Variants in PPFIA2 observed in about 807,000 individuals in gnomAD.
PPFIA2 encodes the protein liprin-alpha-2.
Under a neutral mutation model 175.5 loss-of-function variants are expected in PPFIA2, and 46 were observed. The observed-to-expected ratio is 0.26, with a 90% CI of 0.21 to 0.34. The LOEUF is 0.34. PPFIA2 is among the 10% of genes least tolerant of loss of function. The probability of loss-of-function intolerance (pLI) is 1.00; values close to 1 mark genes in which losing one functional copy is unlikely to be tolerated. For synonymous variants in PPFIA2, 568 were observed against 511.4 expected (o/e 1.11, Z -1.49); for missense variants, 1,179 against 1,506.1 (o/e 0.78, Z 3.60).
chr12:81,461,542 G>A (rs1010153265), intron 4 of PPFIA2, among the ~76,000 whole-genome samples: 2 of 152,038 alleles, frequency 1.3e-5, no homozygotes, highest in East Asian at 3.9e-4. Context: ...TCATAGAAAT[G>A]TCAGAATTCA....
At chr12:81,521,810 TC>T (rs1356545656) in intron 4 of PPFIA2, among the ~76,000 whole-genome samples, 1 of 147,406 alleles carries the variant, frequency 6.8e-6, no homozygotes, top group Non-Finnish European at 1.5e-5. Flanking sequence ...ACAGAGCAAC[TC>T]CATCTCACAA....
At chr12:81,396,889 G>A (rs1426854773) in intron 8 of PPFIA2, among the ~76,000 whole-genome samples, 1 of 152,036 alleles carries the variant, frequency 6.6e-6, no homozygotes, top group East Asian at 1.9e-4. Context: ...ATATTTTGAA[G>A]GTAGAGTAAA....
intron 4 of PPFIA2, among the ~76,000 whole-genome samples, chr12:81,503,902 G>C (rs1487192111): frequency 6.6e-6 from 1 of 151,652 alleles, no homozygotes; most frequent in Non-Finnish European, 1.5e-5. Flanking sequence ...TGTTACTGTA[G>C]CATTTAAAAA....
chr12:81,485,092 C>T (rs1049092143), intron 4 of PPFIA2, among the ~76,000 whole-genome samples: 17 of 151,786 alleles, frequency 1.1e-4, no homozygotes, highest in African/African-American at 2.9e-4. Flanking sequence ...AAAAGGAAAT[C>T]ACTAGCTTGA....
chr12:81,528,378 T>G (rs886845311), intron 4 of PPFIA2, among the ~76,000 whole-genome samples: 8 of 152,098 alleles, frequency 5.3e-5, no homozygotes, highest in African/African-American at 1.9e-4. Context: ...AGTGTCAGCT[T>G]TCTACTGAAG....
At chr12:81,429,895 T>G (rs138024934) in intron 7 of PPFIA2, 1 of 152,078 alleles carries the variant, frequency 6.6e-6, no homozygotes, top group Non-Finnish European at 1.5e-5. Context: ...CATCCCATAC[T>G]AAAATTTATT....
At chr12:81,603,389 T>C (rs562731121) in intron 4 of PPFIA2, among the ~76,000 whole-genome samples, 2 of 151,828 alleles carry the variant, frequency 1.3e-5, no homozygotes, top group African/African-American at 4.8e-5. Context: ...TTTCAGACAA[T>C]AGACACGAAG....
rs545522991 is a variant in PPFIA2, at chr12:81,586,540, A to G, written c.303+90251T>C. On this transcript the variant is annotated intron_variant, in intron 4 of 32. Coordinates refer to ENST00000549396, the MANE Select transcript of PPFIA2 (RefSeq NM_003625.5). ...GGTAATTTTAATATACATATTTATGACTATAAAACTAAGATGGTAATAAAA... is the reference window on the plus strand; with the variant it reads ...GGTAATTTTAATATACATATTTATGGCTATAAAACTAAGATGGTAATAAAA... 2.0e-5 allele frequency among the ~76,000 whole-genome samples: 3 copies of G among 151,890 alleles called. No homozygotes were observed. In the South Asian group the frequency reaches 6.2e-4, roughly 32 times the overall value.
At chr12:81,435,071 G>A (rs939042182) in intron 7 of PPFIA2, among the ~76,000 whole-genome samples, 3 of 152,098 alleles carry the variant, frequency 2.0e-5, no homozygotes, top group African/African-American at 7.2e-5. Flanking sequence ...ACATATAGTA[G>A]TTTTGTATTC....
intron 3 of PPFIA2, among the ~76,000 whole-genome samples, chr12:81,689,123 T>TA (rs2074900465): frequency 9.2e-6 from 1 of 108,698 alleles, no homozygotes; most frequent in South Asian, 3.0e-4. Context: ...GATCTTAAAT[T>TA]TAAAAAAAAA....
chr12:81,302,282 T>C, intron 22 of PPFIA2: 1 of 337,372 alleles, frequency 3.0e-6, no homozygotes, highest in South Asian at 2.4e-5. Flanking sequence ...CTCACAATAG[T>C]ACTGATTCTA....
intron 3 of PPFIA2, among the ~76,000 whole-genome samples, chr12:81,749,734 T>A (rs17748138): frequency 0.18 from 25,203 of 143,466 alleles, 5,352 homozygotes; most frequent in Middle Eastern, 0.26. Flanking sequence ...ATTTGCCTCA[T>A]ATTCTTTAAT....
chr12:81,364,685 G>A (rs2032489950), intron 14 of PPFIA2, among the ~76,000 whole-genome samples: 1 of 151,886 alleles, frequency 6.6e-6, no homozygotes, highest in African/African-American at 2.4e-5. Context: ...TCAGAAAAGA[G>A]AGGAAATTTT....
chr12:81,614,018 C>A (rs115267967), intron 4 of PPFIA2, among the ~76,000 whole-genome samples: 1,621 of 152,138 alleles, frequency 0.011, 31 homozygotes, highest in African/African-American at 0.033. Context: ...AAAACCATGA[C>A]CAAATCAAGA....
At chr12:81,271,607 T>C (rs1344889633) in intron 28 of PPFIA2, among the ~76,000 whole-genome samples, 1 of 152,176 alleles carries the variant, frequency 6.6e-6, no homozygotes, top group African/African-American at 2.4e-5. Context: ...ATATTATTAT[T>C]TTAGTAGTGA....
chr12:81,402,769 G>T (rs1432400808), intron 8 of PPFIA2, among the ~76,000 whole-genome samples: 6 of 152,110 alleles, frequency 3.9e-5, no homozygotes, highest in African/African-American at 1.4e-4. Flanking sequence ...TGGGAGGATT[G>T]CTTGAGCCCA....
rs140943953 is a variant in PPFIA2, at chr12:81,352,956, GA to G, written c.1994+162del. On this transcript the variant is annotated intron_variant, in intron 17 of 32. Coordinates refer to ENST00000549396, the MANE Select transcript of PPFIA2 (RefSeq NM_003625.5). ...ATATACAATATCCTGGGAATCTTCT[GA>G]AAATACACATTCTGATTCAGTGTGT... Among the ~76,000 whole-genome samples, 726 of 152,246 alleles carry G rather than the reference GA, an allele frequency of 4.8e-3. 4 individuals are homozygous for G. The highest frequency in any genetic ancestry group is 0.014 in the African/African-American group (598 of 41,534).
rs78761764 is a variant in PPFIA2, at chr12:81,359,858, T to G, written c.1638-1641A>C. Among the ~76,000 whole-genome samples the G allele has an allele frequency of 1.5e-3, 228 of 152,062 alleles. 4 individuals carry two copies. In the East Asian group the frequency reaches 0.028, roughly 19 times the overall value. ...ATCATATCAATTTCCTGCTTAAAAT[T>G]ATTCAATGTCCTTAAAGGCCCTCTA... On this transcript the variant is annotated intron_variant, in intron 15 of 32. Transcript: ENST00000549396.
chr12:81,294,816 G>T lies in PPFIA2; in HGVS notation c.2925+19C>A. 9 of 1,608,632 alleles carry T rather than the reference G, an allele frequency of 5.6e-6. No homozygotes were observed. The highest frequency in any genetic ancestry group is 7.6e-6 in the Non-Finnish European group (9 of 1,177,134). On this transcript the variant is annotated intron_variant, in intron 24 of 32. Coordinates refer to ENST00000549396, the MANE Select transcript of PPFIA2 (RefSeq NM_003625.5). Reference sequence around the variant, plus strand: ...ATTTGCCTAGCACTGAGGAAGGGGAGGAGCAGAAACTGACTCACAGTTCGA... The same window carrying T: ...ATTTGCCTAGCACTGAGGAAGGGGATGAGCAGAAACTGACTCACAGTTCGA...
Sources: allele counts gnomAD v4.1 joint callset (sites outside exome capture counted in the v4.1 genomes callset), GRCh38; gene constraint gnomAD v4.1.1; transcripts MANE v1.5; gene names NCBI Gene and HGNC (gene_info 2026-07-23, HGNC 2026-07-21).